Variants in ACSBG1 observed in about 807,000 individuals in gnomAD.
ACSBG1 encodes acyl-CoA synthetase bubblegum family member 1, also known as long-chain-fatty-acid--CoA ligase ACSBG1.
A neutral mutation model predicts 80.2 loss-of-function variants in ACSBG1; 39 were observed. That is an observed-to-expected ratio of 0.49 (90% CI 0.38 to 0.64). The LOEUF is 0.64. ACSBG1 is among the 30% of genes least tolerant of loss of function. The pLI is 0.00. For missense variants in ACSBG1, 828 were observed against 966.4 expected, an observed-to-expected ratio of 0.86 and a Z score of 1.90; for synonymous variants, 392 against 379.5, an observed-to-expected ratio of 1.03 and a Z score of -0.38.
At chr15:78,179,043 G>T in intron 10 of ACSBG1, 2 of 583,850 alleles carry the variant, frequency 3.4e-6, no homozygotes, top group East Asian at 5.7e-5. Context: ...AAATGAAATG[G>T]TAATGGTAGA....
At chr15:78,189,714 C>A (rs1370313736) in intron 5 of ACSBG1, among the ~76,000 whole-genome samples, 1 of 151,780 alleles carries the variant, frequency 6.6e-6, no homozygotes, top group African/African-American at 2.4e-5. Flanking sequence ...GGAGATAGAC[C>A]TAATGCTAAA....
At chr15:78,227,206 G>A (rs1347394715) in intron 1 of ACSBG1, among the ~76,000 whole-genome samples, 3 of 114,654 alleles carry the variant, frequency 2.6e-5, no homozygotes, top group Non-Finnish European at 5.0e-5. Context: ...GTGACAGAGC[G>A]AGACCCTGTC....
chr15:78,193,219 G>T (rs1428219696), intron 5 of ACSBG1, among the ~76,000 whole-genome samples: 1 of 152,216 alleles, frequency 6.6e-6, no homozygotes, highest in East Asian at 1.9e-4. Flanking sequence ...TCCCTTTAGG[G>T]GAGACCCTGT....
intron 1 of ACSBG1, among the ~76,000 whole-genome samples, chr15:78,227,922 G>C (rs1231031494): frequency 2.0e-5 from 3 of 152,190 alleles, no homozygotes; most frequent in African/African-American, 4.8e-5. Context: ...CCATCCTCAA[G>C]AACACCTGGA....
At chr15:78,197,344 T>G (rs1322739715) in intron 2 of ACSBG1, among the ~76,000 whole-genome samples, 1 of 152,140 alleles carries the variant, frequency 6.6e-6, no homozygotes, top group Non-Finnish European at 1.5e-5. Context: ...TCTGTAAATT[T>G]GCTAAAAATA....
chr15:78,203,736 G>A (rs777539081), intron 2 of ACSBG1, among the ~76,000 whole-genome samples: 1 of 152,238 alleles, frequency 6.6e-6, no homozygotes, highest in African/African-American at 2.4e-5. Context: ...GCTGTTTTCC[G>A]TGGTCTGTGG....
At chr15:78,229,627 G>C (rs2075430637) in intron 1 of ACSBG1, among the ~76,000 whole-genome samples, 1 of 152,170 alleles carries the variant, frequency 6.6e-6, no homozygotes, top group Admixed American at 6.5e-5. Flanking sequence ...GGGAGAGTCA[G>C]CTAGGAGCCC....
intron 5 of ACSBG1, among the ~76,000 whole-genome samples, chr15:78,186,413 C>T (rs932109275): frequency 3.9e-5 from 6 of 152,124 alleles, no homozygotes; most frequent in Admixed American, 2.0e-4. Flanking sequence ...AAACTGACCA[C>T]GTAGTTGGAA....
chr15:78,186,026 G>C (rs1341306415), intron 5 of ACSBG1, among the ~76,000 whole-genome samples: 1 of 152,202 alleles, frequency 6.6e-6, no homozygotes, highest in Non-Finnish European at 1.5e-5. Flanking sequence ...AAAGTTCTTA[G>C]TCTCTTTGTA....
rs143573246 is a variant in ACSBG1 at position 78,173,855 on chromosome 15, T to A, written c.1843-16A>T. 1 of 1,612,332 alleles carries A rather than the reference T, an allele frequency of 6.2e-7. No homozygotes were observed. Among genetic ancestry groups the A allele is most frequent in the Non-Finnish European group, 8.5e-7 (1 of 1,179,270 alleles). ...CCAGAGTGCACTGAAAAGCCAGAGATCAGATGAGGACCAAGCCTTACCCAA... is the reference window on the plus strand; with the variant it reads ...CCAGAGTGCACTGAAAAGCCAGAGAACAGATGAGGACCAAGCCTTACCCAA... On this transcript the variant is annotated splice_polypyrimidine_tract_variant and intron_variant, in intron 12 of 13. Coordinates refer to ENST00000258873, the MANE Select transcript of ACSBG1 (RefSeq NM_015162.5).
At chr15:78,187,333 C>A (rs991195328) in intron 5 of ACSBG1, among the ~76,000 whole-genome samples, 1 of 152,294 alleles carries the variant, frequency 6.6e-6, no homozygotes, top group Non-Finnish European at 1.5e-5. Flanking sequence ...ATGAGGCCAG[C>A]ATCATCCTGA....
chr15:78,168,760 G>A lies in ACSBG1; in HGVS notation c.*2684C>T. Reference sequence around the variant, plus strand: ...ATTGGATCCCGATCCTCCTGGGCTGGGTAGATGGTGGTGGAGTGGTTCCTC... The same window carrying A: ...ATTGGATCCCGATCCTCCTGGGCTGAGTAGATGGTGGTGGAGTGGTTCCTC... On this transcript the variant is annotated 3_prime_UTR_variant, in exon 14 of 14. Coordinates refer to ENST00000258873, the MANE Select transcript of ACSBG1 (RefSeq NM_015162.5). 1 of 606,956 alleles carries A rather than the reference G, an allele frequency of 1.6e-6. No individual in the cohort carries two copies. The highest frequency in any genetic ancestry group is 3.0e-6 in the Non-Finnish European group (1 of 332,722). The allele number at this position is 606,956 out of a possible 1,614,324, so 37.6% of individuals were successfully genotyped here. A position where few individuals can be genotyped will look rare whatever the true frequency, so the allele number is the denominator to read the frequency against.
intron 2 of ACSBG1, among the ~76,000 whole-genome samples, chr15:78,200,280 G>A (rs545134023): frequency 6.6e-6 from 1 of 152,054 alleles, no homozygotes; most frequent in Non-Finnish European, 1.5e-5. Flanking sequence ...TTCATGACAG[G>A]GACAAGAGCC....
At chr15:78,197,627 G>A (rs1454897222) in intron 2 of ACSBG1, among the ~76,000 whole-genome samples, 3 of 149,952 alleles carry the variant, frequency 2.0e-5, no homozygotes, top group Admixed American at 6.7e-5. Context: ...GCTGAGGCAT[G>A]AGAATTGCTT....
At chr15:78,215,766 GAAAGAAAGAAAGAAAGAA>G (rs1168064155) in intron 1 of ACSBG1, among the ~76,000 whole-genome samples, 31 of 150,042 alleles carry the variant, frequency 2.1e-4, no homozygotes, top group African/African-American at 7.7e-4. Context: ...AAGAAAGAAA[GAAAGAAAGAAAGAAAGAA>G]AGAGAAAGAA....
At chr15:78,226,806 T>TATATAATATATATATATATATA (rs1447664241) in intron 1 of ACSBG1, among the ~76,000 whole-genome samples, 3 of 144,878 alleles carry the variant, frequency 2.1e-5, no homozygotes, top group African/African-American at 7.6e-5. Context: ...ATATATAATA[T>TATATAATATATATATATATATA]ATATATATGA....
Position 78,169,249 on chromosome 15 carries a change from G to A in ACSBG1, c.*2195C>T, listed in dbSNP as rs1012119269. 13 of 316,406 alleles carry A rather than the reference G, an allele frequency of 4.1e-5. No individual in the cohort carries two copies. The highest frequency in any genetic ancestry group is 7.5e-5 in the Non-Finnish European group (13 of 173,646). The allele number at this position is 316,406 out of a possible 1,614,324, so 19.6% of individuals were successfully genotyped here. On this transcript the variant is annotated 3_prime_UTR_variant, in exon 14 of 14. Transcript: ENST00000258873. The stretch of plus-strand genomic sequence containing the variant: ...TGTCTACCTGGTAAATGTTTTTTTT[G>A]TAAACTCTGAGTGGACTGTATCATT...
intron 2 of ACSBG1, 84 bp from the exon 3 acceptor site, chr15:78,194,810 G>T: frequency 7.1e-7 from 1 of 1,399,884 alleles, no homozygotes; most frequent in Non-Finnish European, 9.8e-7. Context: ...CAGCCCGTCT[G>T]GTGCTGACAA....
In ACSBG1 at chr15:78,173,757, C is replaced by G; in HGVS notation, c.1925G>C (p.Arg642Thr). 3.1e-6 allele frequency: 5 copies of G among 1,614,196 alleles called. No homozygotes were observed. The highest frequency in any genetic ancestry group is 4.2e-6 in the Non-Finnish European group (5 of 1,180,042). ...TATGATCTCGGACACTGTGGTGGCT[C>G]TGCTGCCCACCCTCTGGCAGAACTC... Reference protein sequence around the residue: ...AMEFCQRVGSRATTVSEIIEK... With the variant: ...AMEFCQRVGSTATTVSEIIEK... The change falls in exon 13 of 14, where the codon AGA (arginine) becomes ACA (threonine). Residue 642 changes from arginine to threonine, a missense_variant. By Grantham distance (71) the Arg-to-Thr change is moderately conservative. Around this residue, in one of 3 missense-constraint regions of ACSBG1, gnomAD observed 201 missense variants for 227.0 expected, o/e 0.89. Coordinates refer to ENST00000258873, the MANE Select transcript of ACSBG1 (RefSeq NM_015162.5).
Sources: gnomAD v4.1 joint callset for allele counts (sites outside exome capture counted in the v4.1 genomes callset) on GRCh38, gnomAD v4.1.1 for gene constraint, gnomAD v4.1.1 regional missense constraint, MANE v1.5 for transcripts, NCBI Gene and HGNC (gene_info 2026-07-23, HGNC 2026-07-21) for gene names.